Variants in NRG3 observed in about 807,000 individuals in gnomAD.
NRG3 encodes the protein neuregulin 3.
NRG3 carries 31 observed loss-of-function variants against 66.9 expected under a neutral mutation model. That is an observed-to-expected ratio of 0.46 (90% CI 0.35 to 0.63). The LOEUF (loss-of-function observed/expected upper bound fraction) is 0.63. NRG3 is among the 20% of genes least tolerant of loss of function. The probability of loss-of-function intolerance (pLI) is 0.00; values close to 1 mark genes in which losing one functional copy is unlikely to be tolerated. For missense variants in NRG3, 910 were observed against 878.9 expected (o/e 1.04, Z -0.45); for synonymous variants, 393 against 359.4 (o/e 1.09, Z -1.06).
At chr10:82,278,132 C>T (rs967864758) in intron 1 of NRG3, among the ~76,000 whole-genome samples, 4 of 151,970 alleles carry the variant, frequency 2.6e-5, no homozygotes, top group African/African-American at 9.7e-5. Flanking sequence ...AAAACTTGCC[C>T]ATCTTTTGAA....
At chr10:82,825,399 C>A (rs1322617976) in intron 3 of NRG3, among the ~76,000 whole-genome samples, 2 of 152,184 alleles carry the variant, frequency 1.3e-5, no homozygotes, top group Admixed American at 1.3e-4. Flanking sequence ...CCCAAGTACA[C>A]TACCCAATAA....
intron 1 of NRG3, among the ~76,000 whole-genome samples, chr10:82,205,691 C>T (rs2075084361): frequency 6.6e-6 from 1 of 152,120 alleles, no homozygotes; most frequent in Admixed American, 6.6e-5. Flanking sequence ...GCTGTACAGC[C>T]ACCACAAAGA....
At chr10:82,602,401 C>T (rs1004055164) in intron 2 of NRG3, among the ~76,000 whole-genome samples, 1 of 151,940 alleles carries the variant, frequency 6.6e-6, no homozygotes, top group Non-Finnish European at 1.5e-5. Flanking sequence ...GAAGATGTAA[C>T]ATACTAACTG....
At chr10:82,006,990 T>G (rs57031230) in intron 1 of NRG3, among the ~76,000 whole-genome samples, 4,623 of 152,250 alleles carry the variant, frequency 0.03, 248 homozygotes, top group African/African-American at 0.11. Context: ...TTAGAATTGC[T>G]TTGATTTTAT....
intron 1 of NRG3, among the ~76,000 whole-genome samples, chr10:82,069,412 A>G (rs1589990398): frequency 6.6e-6 from 1 of 152,276 alleles, no homozygotes; most frequent in East Asian, 1.9e-4. Flanking sequence ...TCTTCTTACA[A>G]TGGGTGAGGC....
chr10:82,398,328 G>A (rs2086848567), intron 2 of NRG3, among the ~76,000 whole-genome samples: 1 of 152,006 alleles, frequency 6.6e-6, no homozygotes, highest in Admixed American at 6.6e-5. Flanking sequence ...ATCTAGGAAG[G>A]TTACTGAAAA....
At chr10:81,943,314 G>T (rs1038820251) in intron 1 of NRG3, among the ~76,000 whole-genome samples, 2 of 152,158 alleles carry the variant, frequency 1.3e-5, no homozygotes, top group Admixed American at 1.3e-4. Context: ...CCAGGACTTT[G>T]AGGCTGCAGT....
chr10:81,914,256 C>T (rs1845455002), intron 1 of NRG3, among the ~76,000 whole-genome samples: 1 of 152,090 alleles, frequency 6.6e-6, no homozygotes, highest in African/African-American at 2.4e-5. Context: ...TTTCACACTC[C>T]TCTTCATGTA....
chr10:82,733,490 CATG>C (rs1336817963), intron 2 of NRG3, among the ~76,000 whole-genome samples: 2 of 152,294 alleles, frequency 1.3e-5, no homozygotes, highest in African/African-American at 4.8e-5. Flanking sequence ...TCTTAATCAT[CATG>C]ATATTAATAA....
intron 1 of NRG3, among the ~76,000 whole-genome samples, chr10:82,268,097 G>C (rs945431911): frequency 1.3e-5 from 2 of 152,080 alleles, no homozygotes; most frequent in Non-Finnish European, 2.9e-5. Context: ...CTTCCCACAC[G>C]TTCTTCTAGA....
chr10:82,652,708 G>A (rs904904984), intron 2 of NRG3, among the ~76,000 whole-genome samples: 1 of 152,124 alleles, frequency 6.6e-6, no homozygotes, highest in Non-Finnish European at 1.5e-5. Context: ...CTAGTCTCAG[G>A]TTTTTCGGCT....
chr10:82,941,010 G>A (rs970035600), intron 4 of NRG3, among the ~76,000 whole-genome samples: 53 of 152,090 alleles, frequency 3.5e-4, no homozygotes, highest in African/African-American at 1.3e-3. Flanking sequence ...GGAGTTTCAA[G>A]TAGAAAAAGG....
At chr10:82,422,117 C>G (rs1191447224) in intron 2 of NRG3, among the ~76,000 whole-genome samples, 1 of 152,038 alleles carries the variant, frequency 6.6e-6, no homozygotes, top group African/African-American at 2.4e-5. Flanking sequence ...GTGCAGATTT[C>G]AATACACTTG....
intron 1 of NRG3, among the ~76,000 whole-genome samples, chr10:82,185,521 A>AT (rs1179343840): frequency 6.6e-6 from 1 of 152,216 alleles, no homozygotes; most frequent in Non-Finnish European, 1.5e-5. Flanking sequence ...CCAAATTGAC[A>AT]TCAGTTTTTC....
intron 1 of NRG3, among the ~76,000 whole-genome samples, chr10:82,313,041 G>T (rs1405869986): frequency 6.6e-6 from 1 of 152,120 alleles, no homozygotes; most frequent in Non-Finnish European, 1.5e-5. Flanking sequence ...AGCAGGATGT[G>T]GTGGTGCACA....
At chr10:82,479,722 C>A (rs1049483138) in intron 2 of NRG3, among the ~76,000 whole-genome samples, 1 of 149,212 alleles carries the variant, frequency 6.7e-6, no homozygotes, top group East Asian at 2.0e-4. Context: ...AATCCCAGCA[C>A]GTTGGGAGGC....
intron 2 of NRG3, among the ~76,000 whole-genome samples, chr10:82,515,137 T>C (rs888505465): frequency 6.6e-6 from 1 of 152,160 alleles, no homozygotes; most frequent in Non-Finnish European, 1.5e-5. Context: ...TCAATGTGAT[T>C]TTATTTATAT....
intron 2 of NRG3, among the ~76,000 whole-genome samples, chr10:82,696,768 T>G (rs2055416970): frequency 6.6e-6 from 1 of 152,110 alleles, no homozygotes; most frequent in Non-Finnish European, 1.5e-5. Context: ...CAACTTTACC[T>G]GGGAAAAAGA....
At chr10:82,030,585 C>G (rs11192219) in intron 1 of NRG3, among the ~76,000 whole-genome samples, 8,915 of 151,920 alleles carry the variant, frequency 0.059, 348 homozygotes, top group East Asian at 0.15. Flanking sequence ...AAAACTCACT[C>G]TACGGAGTGA....
Sources: gnomAD v4.1 joint callset for allele counts (sites outside exome capture counted in the v4.1 genomes callset) on GRCh38, gnomAD v4.1.1 for gene constraint, MANE v1.5 for transcripts, NCBI Gene and HGNC (gene_info 2026-07-23, HGNC 2026-07-21) for gene names.